Variants in NAV1 observed in about 807,000 individuals in gnomAD.
The protein encoded by NAV1 is neuron navigator 1.
A neutral mutation model predicts 175.2 loss-of-function variants in NAV1; 18 were observed. The ratio of observed to expected loss-of-function variants is 0.10; its 90% CI spans 0.07 to 0.15. NAV1 has a LOEUF of 0.15. Among genes scored for constraint, NAV1 ranks in the 10% least tolerant of loss-of-function variants. The pLI is 1.00. For synonymous variants in NAV1, 897 were observed against 978.7 expected (o/e 0.92, Z 1.56); for missense variants, 1,731 against 2,436.6 (o/e 0.71, Z 6.10).
At chr1:201,578,899 G>A (rs1334120957) in intron 1 of NAV1, among the ~76,000 whole-genome samples, 2 of 152,128 alleles carry the variant, frequency 1.3e-5, no homozygotes, top group African/African-American at 2.4e-5. Context: ...TTGGGAGGCC[G>A]AGGTGAGTGG....
intron 3 of NAV1, among the ~76,000 whole-genome samples, chr1:201,773,215 T>C (rs192349041): frequency 1.3e-5 from 2 of 152,180 alleles, no homozygotes; most frequent in East Asian, 3.9e-4. Context: ...CTGTAGAATG[T>C]TTTTTAAAAA....
chr1:201,689,191 A>G (rs1012788194), intron 1 of NAV1, among the ~76,000 whole-genome samples: 3 of 152,236 alleles, frequency 2.0e-5, no homozygotes, highest in Non-Finnish European at 4.4e-5. Flanking sequence ...GCACTAAGTG[A>G]TGAGTAGAAC....
At chr1:201,698,986 C>T (rs1184443771) in intron 1 of NAV1, among the ~76,000 whole-genome samples, 1 of 152,204 alleles carries the variant, frequency 6.6e-6, no homozygotes, top group Non-Finnish European at 1.5e-5. Flanking sequence ...CTTGAAAGTG[C>T]GCCAAAGGCA....
intron 28 of NAV1, among the ~76,000 whole-genome samples, chr1:201,814,510 A>C (rs567768926): frequency 6.6e-6 from 1 of 152,226 alleles, no homozygotes; most frequent in African/African-American, 2.4e-5. Flanking sequence ...GCACTAATAA[A>C]CTGTGATGTA....
intron 1 of NAV1, among the ~76,000 whole-genome samples, chr1:201,703,367 G>A (rs984869210): frequency 6.6e-6 from 1 of 152,206 alleles, no homozygotes; most frequent in African/African-American, 2.4e-5. Flanking sequence ...CTTTAAATGA[G>A]AGAAGACAGA....
chr1:201,608,911 G>A (rs1200083932), intron 2 of NAV1, among the ~76,000 whole-genome samples: 2 of 152,214 alleles, frequency 1.3e-5, no homozygotes, highest in Non-Finnish European at 2.9e-5. Flanking sequence ...GCTTGGCTCT[G>A]AGGGAGGCTG....
intron 15 of NAV1, among the ~76,000 whole-genome samples, chr1:201,803,121 C>G (rs1441718422): frequency 6.6e-6 from 1 of 151,968 alleles, no homozygotes; most frequent in Non-Finnish European, 1.5e-5. Context: ...CAAAGATTTT[C>G]TACCCACCAG....
At chr1:201,712,289 ACT>A (rs1671939267) in intron 1 of NAV1, among the ~76,000 whole-genome samples, 1 of 152,100 alleles carries the variant, frequency 6.6e-6, no homozygotes, top group Non-Finnish European at 1.5e-5. Context: ...CCTCTTCCTA[ACT>A]CTGTGGTCAG....
intron 15 of NAV1, among the ~76,000 whole-genome samples, chr1:201,802,387 G>A (rs1158238246): frequency 7.0e-6 from 1 of 142,526 alleles, no homozygotes; most frequent in East Asian, 2.0e-4. Context: ...TTGGGAAGCC[G>A]TGGCAAGAGG....
chr1:201,683,226 T>A (rs554701642), intron 1 of NAV1, among the ~76,000 whole-genome samples: 3 of 152,280 alleles, frequency 2.0e-5, no homozygotes, highest in African/African-American at 7.2e-5. Flanking sequence ...TTAACTGATA[T>A]TTTTCTCATG....
At position 201,808,290 on chromosome 1, in the gene NAV1, C is replaced by T. The variant is rs1301892072; in HGVS notation, c.3846-128C>T. 5.1e-6 allele frequency: 7 copies of T among 1,386,126 alleles called. No homozygotes were observed. The highest frequency in any genetic ancestry group is 2.2e-5 in the Admixed American group (1 of 44,462). The allele number at this position is 1,386,126 out of a possible 1,614,324, so 85.9% of individuals were successfully genotyped here. On this transcript the variant is annotated intron_variant, in intron 18 of 29. Coordinates refer to ENST00000367296, the Ensembl canonical transcript of NAV1. The surrounding 1 kb of genome is among the most constrained non-coding windows in gnomAD (Gnocchi z 5.5). ...GGGCATATGAGACCAACAGATGGACCTTTCTTCTCATGCTGATTGAATATC... is the reference window on the plus strand; with the variant it reads ...GGGCATATGAGACCAACAGATGGACTTTTCTTCTCATGCTGATTGAATATC...
intron 3 of NAV1, among the ~76,000 whole-genome samples, chr1:201,774,343 C>T (rs1345663633): frequency 6.6e-6 from 1 of 152,188 alleles, no homozygotes; most frequent in East Asian, 1.9e-4. Context: ...TCTTGAGTGA[C>T]CAGGCAGTTG....
At chr1:201,584,844 C>T (rs1666979038) in intron 1 of NAV1, among the ~76,000 whole-genome samples, 1 of 152,210 alleles carries the variant, frequency 6.6e-6, no homozygotes, top group African/African-American at 2.4e-5. Context: ...CCGGAGCAGA[C>T]AGCAAAGCAG....
At chr1:201,559,308 C>T (rs1038554472) in intron 1 of NAV1, among the ~76,000 whole-genome samples, 1 of 152,080 alleles carries the variant, frequency 6.6e-6, no homozygotes, top group African/African-American at 2.4e-5. Context: ...TGTTTCCTGC[C>T]CTTGAGAAGC....
intron 2 of NAV1, among the ~76,000 whole-genome samples, chr1:201,632,252 A>G (rs1002333202): frequency 6.6e-6 from 1 of 152,220 alleles, no homozygotes; most frequent in Non-Finnish European, 1.5e-5. Flanking sequence ...AGAATTTCCC[A>G]TGATGACTTG....
intron 7 of NAV1, among the ~76,000 whole-genome samples, chr1:201,785,057 G>T (rs535910117): frequency 1.3e-5 from 2 of 152,140 alleles, no homozygotes; most frequent in South Asian, 2.1e-4. Context: ...CGTGAGCTAC[G>T]GCGCCCGGCC....
At chr1:201,752,171 A>G (rs187735921) in intron 3 of NAV1, among the ~76,000 whole-genome samples, 1 of 152,242 alleles carries the variant, frequency 6.6e-6, no homozygotes, top group African/African-American at 2.4e-5. Context: ...TTAAGATAAG[A>G]AGGCGGTTAA....
At position 201,779,594 on chromosome 1, in the gene NAV1, G is replaced by A. The variant is rs1191104224; in HGVS notation, c.1227-827G>A. ...GCCTGGGGCAACAGAGCAGGACTCC[G>A]TCTCAAAAAAAAAAAAAAAAAAAAA... On this transcript the variant is annotated intron_variant, in intron 3 of 29. Transcript: ENST00000367296. Among the ~76,000 whole-genome samples, 12 of 24,662 alleles carry A rather than the reference G, an allele frequency of 4.9e-4. No homozygotes were observed. In the East Asian group the frequency reaches 7.2e-3, roughly 15 times the overall value. 16.2% of individuals were successfully genotyped at this position (24,662 alleles called of 152,430 possible).
intron 1 of NAV1, among the ~76,000 whole-genome samples, chr1:201,704,754 G>A (rs1671596310): frequency 6.6e-6 from 1 of 152,246 alleles, no homozygotes; most frequent in Non-Finnish European, 1.5e-5. Flanking sequence ...GCTCTGGGGG[G>A]TGACACCCTG....
Sources: gnomAD v4.1 joint callset for allele counts (sites outside exome capture counted in the v4.1 genomes callset) on GRCh38, gnomAD v4.1.1 for gene constraint, Gnocchi (gnomAD v3.1) non-coding constraint, MANE v1.5 for transcripts, NCBI Gene and HGNC (gene_info 2026-07-23, HGNC 2026-07-21) for gene names.